Variants in SMIM14 observed in about 807,000 individuals in gnomAD.
SMIM14 encodes the protein chromosome 4 open reading frame 34.
SMIM14 carries 5 observed loss-of-function variants against 12.6 expected under a neutral mutation model. The observed-to-expected ratio is 0.40, with a 90% confidence interval of 0.21 to 0.83. The LOEUF is 0.83. SMIM14 is among the 40% of genes least tolerant of loss of function. The pLI, the probability that SMIM14 is intolerant of heterozygous loss-of-function variation, is 0.37. For synonymous variants in SMIM14, 30 were observed against 40.1 expected, an observed-to-expected ratio of 0.75 and a Z score of 0.95; for missense variants, 86 against 119.1, an observed-to-expected ratio of 0.72 and a Z score of 1.29.
intron 1 of SMIM14, among the ~76,000 whole-genome samples, chr4:39,634,845 A>T (rs933007523): frequency 6.6e-6 from 1 of 152,208 alleles, no homozygotes; most frequent in Non-Finnish European, 1.5e-5. Flanking sequence ...GGAAAAAAAA[A>T]TGGCCTACAA....
intron 3 of SMIM14, among the ~76,000 whole-genome samples, chr4:39,560,245 C>T (rs6824308): frequency 0.12 from 18,111 of 146,426 alleles, 2,653 homozygotes; most frequent in African/African-American, 0.35. Context: ...CAGTTCTTTT[C>T]TTTTCTTTTT....
chr4:39,583,575 C>T (rs1430914228), intron 2 of SMIM14, among the ~76,000 whole-genome samples: 1 of 152,044 alleles, frequency 6.6e-6, no homozygotes, highest in East Asian at 1.9e-4. Context: ...GCAAACATGA[C>T]CTTCTTTCTA....
In SMIM14 at chr4:39,572,452, G is replaced by A; in HGVS notation, c.87C>T (p.Ser29=). 1 of 1,609,932 alleles carries A rather than the reference G, an allele frequency of 6.2e-7. No homozygotes were observed. The highest frequency in any genetic ancestry group is 8.5e-7 in the Non-Finnish European group (1 of 1,177,708). ...MRRLINLLRQ[S]QSYCTDTECL... ...ACTCTGTGTCTGTGCAGTAGGACTG[G>A]GACTGCCGTAACTACAATGAATAAG... Residue 29 remains serine (S), a synonymous_variant, in exon 3 of 5, where the codon TCC becomes TCT. Transcript: ENST00000295958.
intron 3 of SMIM14, among the ~76,000 whole-genome samples, chr4:39,562,509 G>T (rs997226843): frequency 6.6e-6 from 1 of 152,058 alleles, no homozygotes; most frequent in African/African-American, 2.4e-5. Context: ...TTTTTATTGA[G>T]TCAGTGTCTC....
intron 2 of SMIM14, among the ~76,000 whole-genome samples, chr4:39,573,375 G>C (rs1454544654): frequency 1.3e-5 from 2 of 152,152 alleles, no homozygotes; most frequent in African/African-American, 2.4e-5. Flanking sequence ...TGGGATTACA[G>C]GCATGAGCCA....
At chr4:39,635,620 T>C (rs188659259) in intron 1 of SMIM14, among the ~76,000 whole-genome samples, 1 of 152,140 alleles carries the variant, frequency 6.6e-6, no homozygotes, top group African/African-American at 2.4e-5. Flanking sequence ...AAAAAGAAAC[T>C]AGATTATGTA....
chr4:39,620,527 G>A (rs1310976730), intron 1 of SMIM14, among the ~76,000 whole-genome samples: 2 of 152,040 alleles, frequency 1.3e-5, no homozygotes, highest in Non-Finnish European at 2.9e-5. Context: ...TAGAGACAGA[G>A]GTCTTGCTAT....
At chr4:39,566,706 C>T (rs1035647402) in intron 3 of SMIM14, among the ~76,000 whole-genome samples, 6 of 151,926 alleles carry the variant, frequency 3.9e-5, no homozygotes, top group East Asian at 1.9e-4. Flanking sequence ...TGGTGGCTCA[C>T]GCCTATAATC....
At position 39,558,383 on chromosome 4, in the gene SMIM14, C is replaced by T. The variant is rs1230538263; in HGVS notation, c.125-1813G>A. 6.6e-6 allele frequency among the ~76,000 whole-genome samples: 1 copy of T among 152,202 alleles called. No individual in the cohort carries two copies. The highest frequency in any genetic ancestry group is 1.9e-4 in the East Asian group (1 of 5,200). ...AGTTAAGGCTGGGCCCCTAGAAGTG[C>T]TTGCCTGAAAAATCACAGCTGCTGC... On this transcript the variant is annotated intron_variant, in intron 3 of 4. Transcript: ENST00000295958. The surrounding 1 kb of genome is among the most constrained non-coding windows in gnomAD (Gnocchi z 4.3).
At chr4:39,562,823 T>TTTTTTTTTTTTTTTTTTG (rs1553861780) in intron 3 of SMIM14, among the ~76,000 whole-genome samples, 2 of 150,184 alleles carry the variant, frequency 1.3e-5, no homozygotes, top group African/African-American at 5.0e-5. Context: ...TTTGTATTTT[T>TTTTTTTTTTTTTTTTTTG]AGTAGAGACG....
At chr4:39,581,742 T>C (rs1345611029) in intron 2 of SMIM14, among the ~76,000 whole-genome samples, 13 of 152,024 alleles carry the variant, frequency 8.6e-5, no homozygotes, top group Non-Finnish European at 1.5e-5. Context: ...TTTGTATTTT[T>C]AGTAGAGACG....
chr4:39,606,549 G>A (rs938310574), intron 1 of SMIM14, among the ~76,000 whole-genome samples: 3 of 151,296 alleles, frequency 2.0e-5, no homozygotes, highest in East Asian at 1.9e-4. Context: ...GCTGAGACAG[G>A]AGAATCGCTT....
chr4:39,597,628 G>A (rs1428494283), intron 2 of SMIM14, among the ~76,000 whole-genome samples: 3 of 151,874 alleles, frequency 2.0e-5, no homozygotes, highest in African/African-American at 7.3e-5. Context: ...ATTTTTAGTA[G>A]AGACAGGGTT....
At position 39,572,271 on chromosome 4, in the gene SMIM14, G is replaced by A. The variant is rs531578581; in HGVS notation, c.124+144C>T. On this transcript the variant is annotated intron_variant, in intron 3 of 4. Transcript: ENST00000295958. ...TGAGAATAATTTCTTTTGTGCGTAT[G>A]TGTCGCTTTTTTTTTTTTTTTTTTT... is the stretch of plus-strand genomic sequence containing the variant. 17 of 525,738 alleles carry A rather than the reference G, an allele frequency of 3.2e-5. No homozygotes were observed. In the East Asian group the frequency reaches 5.5e-4, roughly 17 times the overall value. 32.6% of individuals were successfully genotyped at this position (525,738 alleles called of 1,614,324 possible).
intron 1 of SMIM14, among the ~76,000 whole-genome samples, chr4:39,623,381 C>T (rs1715575905): frequency 6.6e-6 from 1 of 152,072 alleles, no homozygotes; most frequent in Non-Finnish European, 1.5e-5. Flanking sequence ...TATCTCTTCC[C>T]CTCTCCCCGA....
At chr4:39,557,742 T>C (rs1282251675) in intron 3 of SMIM14, among the ~76,000 whole-genome samples, 1 of 152,102 alleles carries the variant, frequency 6.6e-6, no homozygotes, top group African/African-American at 2.4e-5. Context: ...CACGAATCCA[T>C]ATGAATCCAA....
At chr4:39,623,339 T>G (rs931182729) in intron 1 of SMIM14, among the ~76,000 whole-genome samples, 18 of 151,492 alleles carry the variant, frequency 1.2e-4, no homozygotes, top group Admixed American at 2.0e-4. Flanking sequence ...AAAGGTTTTT[T>G]AAAAATACAT....
chr4:39,638,287 T>C (rs906563101), intron 1 of SMIM14: 2 of 190,338 alleles, frequency 1.1e-5, no homozygotes, highest in African/African-American at 2.4e-5. Context: ...GTCTCACTTA[T>C]CACAACAAAG....
At chr4:39,625,186 C>T (rs576528101) in intron 1 of SMIM14, among the ~76,000 whole-genome samples, 5 of 148,592 alleles carry the variant, frequency 3.4e-5, no homozygotes, top group Non-Finnish European at 7.4e-5. Flanking sequence ...CCATTGCACT[C>T]CAGTCTGGGC....
Sources: allele counts gnomAD v4.1 joint callset (sites outside exome capture counted in the v4.1 genomes callset), GRCh38; gene constraint gnomAD v4.1.1; non-coding constraint Gnocchi (gnomAD v3.1); transcripts MANE v1.5; gene names NCBI Gene and HGNC (gene_info 2026-07-23, HGNC 2026-07-21).